The following OTOGL variants were observed in gnomAD, a reference collection of about 807,000 sequenced individuals.
OTOGL encodes the protein otogelin-like protein.
Under a neutral mutation model 318.5 loss-of-function variants are expected in OTOGL, and 285 were observed. That is an observed-to-expected ratio of 0.89 (90% CI 0.81 to 0.99). OTOGL has a LOEUF of 0.99. Among genes scored for constraint, OTOGL ranks in the 50% least tolerant of loss-of-function variants. The probability of loss-of-function intolerance (pLI) is 0.00; values close to 1 mark genes in which losing one functional copy is unlikely to be tolerated. For missense variants in OTOGL, 2,899 were observed against 2,845.6 expected, an observed-to-expected ratio of 1.02 and a Z score of -0.43; for synonymous variants, 987 against 936.5, an observed-to-expected ratio of 1.05 and a Z score of -0.99.
chr12:80,126,002 A>G (rs1240098363), intron 1 of OTOGL, among the ~76,000 whole-genome samples: 1 of 152,050 alleles, frequency 6.6e-6, no homozygotes, highest in Non-Finnish European at 1.5e-5. Context: ...TCCTGGAATC[A>G]TTGATTTTTT....
At chr12:80,243,841 A>AT (rs1880599382) in intron 11 of OTOGL, among the ~76,000 whole-genome samples, 1 of 139,764 alleles carries the variant, frequency 7.2e-6, no homozygotes, top group African/African-American at 3.0e-5. Context: ...TATATAATAT[A>AT]ATCATATATA....
intron 4 of OTOGL, among the ~76,000 whole-genome samples, chr12:80,217,236 C>G (rs979978257): frequency 6.6e-6 from 1 of 151,666 alleles, no homozygotes; most frequent in African/African-American, 2.4e-5. Context: ...AGACTCCAAC[C>G]AGGCTCCTTT....
At chr12:80,254,667 C>T (rs1881871771) in intron 15 of OTOGL, 97 bp downstream of exon 15, 1 of 941,240 alleles carries the variant, frequency 1.1e-6, no homozygotes, top group Non-Finnish European at 1.6e-6. Flanking sequence ...TCATATATAC[C>T]AAGGGCTACA....
intron 1 of OTOGL, among the ~76,000 whole-genome samples, chr12:80,175,544 C>T (rs1283626007): frequency 6.6e-6 from 1 of 152,106 alleles, no homozygotes. Flanking sequence ...AAGCATGACT[C>T]GCATTTTTAT....
chr12:80,129,785 CT>C (rs746572913), intron 1 of OTOGL, among the ~76,000 whole-genome samples: 16 of 152,028 alleles, frequency 1.1e-4, no homozygotes, highest in Non-Finnish European at 1.6e-4. Context: ...AATCTAAAAA[CT>C]TTTTTTTAAC....
At chr12:80,160,935 C>T (rs1000888256) in intron 1 of OTOGL, among the ~76,000 whole-genome samples, 7 of 152,140 alleles carry the variant, frequency 4.6e-5, no homozygotes, top group African/African-American at 7.2e-5. Context: ...TTCCCAGCAA[C>T]GTGAATGGAA....
At chr12:80,196,897 G>C (rs1198248267) in intron 1 of OTOGL, among the ~76,000 whole-genome samples, 1 of 152,126 alleles carries the variant, frequency 6.6e-6, no homozygotes, top group Non-Finnish European at 1.5e-5. Flanking sequence ...GGAAGGGGGT[G>C]GTCGGACATG....
rs1244096931 is a variant in OTOGL, at chr12:80,336,965, A to C, written c.4821A>C (p.Thr1607=). ...GTTTTAAGAAGTTAAATGTGACAAC[A>C]CCCATACATAAAATAATTGTCAATC... is the stretch of plus-strand genomic sequence containing the variant. ...GLCFKKLNVT[T]PIHKIIVNRL... The change falls in exon 42 of 59, where the codon ACA becomes ACC. Residue 1607 remains threonine, a synonymous_variant. Coordinates refer to ENST00000547103, the MANE Select transcript of OTOGL (RefSeq NM_001378609.3). 6.3e-7 allele frequency: 1 copy of C among 1,594,908 alleles called. No homozygotes were observed. Among genetic ancestry groups the C allele is most frequent in the Non-Finnish European group, 8.6e-7 (1 of 1,169,464 alleles).
chr12:80,320,048 A>G (rs1887219464), intron 33 of OTOGL, among the ~76,000 whole-genome samples: 1 of 152,106 alleles, frequency 6.6e-6, no homozygotes, highest in Non-Finnish European at 1.5e-5. Context: ...ACATTTGTAA[A>G]TGTTAAAGCT....
At chr12:80,129,702 C>T (rs1324311948) in intron 1 of OTOGL, among the ~76,000 whole-genome samples, 1 of 152,054 alleles carries the variant, frequency 6.6e-6, no homozygotes, top group Non-Finnish European at 1.5e-5. Context: ...TCTTAATTTC[C>T]CTGTGGTCTG....
chr12:80,266,598 T>C lies in OTOGL; in HGVS notation c.2372T>C (p.Leu791Pro). ...CPEGKFYEDT[L>P]NFCVPIFHCR... ...GAAGGCAAATTCTATGAAGACACTC[T>C]TAACTTTTGTGTACCCATGTAAGTC... is the stretch of plus-strand genomic sequence containing the variant. The change falls in exon 21 of 59, where the codon CTT becomes CCT. Residue 791 changes from leucine (L) to proline (P), a missense_variant. Around this residue, in one of 3 missense-constraint regions of OTOGL, gnomAD observed 2,607 missense variants for 2,524.9 expected, o/e 1.03. Coordinates refer to ENST00000547103, the MANE Select transcript of OTOGL (RefSeq NM_001378609.3). The C allele has an allele frequency of 6.2e-7, 1 of 1,613,428 alleles. No individual in the cohort carries two copies. The highest frequency in any genetic ancestry group is 8.5e-7 in the Non-Finnish European group (1 of 1,179,618).
chr12:80,132,309 TTATC>T (rs1361687248), intron 1 of OTOGL, among the ~76,000 whole-genome samples: 3 of 152,356 alleles, frequency 2.0e-5, no homozygotes, highest in African/African-American at 7.2e-5. Context: ...TTTAATTTAT[TTATC>T]AGATGTAGTC....
intron 43 of OTOGL, among the ~76,000 whole-genome samples, chr12:80,340,936 G>T (rs1319695050): frequency 1.0e-4 from 14 of 139,104 alleles, no homozygotes; most frequent in African/African-American, 2.4e-4. Context: ...GTCCACTTAG[G>T]TTTTTTTTTT....
At chr12:80,197,861 G>C (rs543362799) in intron 1 of OTOGL, among the ~76,000 whole-genome samples, 1 of 152,182 alleles carries the variant, frequency 6.6e-6, no homozygotes. Flanking sequence ...GGACTCTATC[G>C]TATGAAACCC....
At chr12:80,118,864 GT>G (rs57197692) in intron 1 of OTOGL, among the ~76,000 whole-genome samples, 5,159 of 130,458 alleles carry the variant, frequency 0.04, 259 homozygotes, top group African/African-American at 0.13. Context: ...TCTTAGATCT[GT>G]TTTTTTTTTT....
At chr12:80,159,123 CTGT>C (rs1873323773) in intron 1 of OTOGL, among the ~76,000 whole-genome samples, 1 of 151,390 alleles carries the variant, frequency 6.6e-6, no homozygotes, top group Non-Finnish European at 1.5e-5. Flanking sequence ...TGTTTATGTG[CTGT>C]ATCACATTTA....
chr12:80,140,336 C>T lies in OTOGL; in HGVS notation c.-20+40731C>T, dbSNP rs551018225. ...AGGTAAATTATTGGCTTCTTTGGGT[C>T]ATTTGGGACTGTGCCTGGAGTTTAC... On this transcript the variant is annotated intron_variant, in intron 1 of 58. Coordinates refer to ENST00000547103, the MANE Select transcript of OTOGL (RefSeq NM_001378609.3). Among the ~76,000 whole-genome samples, 4 of 152,274 alleles carry T rather than the reference C, an allele frequency of 2.6e-5. No homozygotes were observed. In the South Asian group the frequency reaches 6.2e-4, roughly 24 times the overall value.
At chr12:80,271,091 C>T (rs1883373775) in intron 23 of OTOGL, among the ~76,000 whole-genome samples, 1 of 152,112 alleles carries the variant, frequency 6.6e-6, no homozygotes. Context: ...CAGGGCCATC[C>T]TGACTCTGCC....
At chr12:80,147,126 A>G (rs1030491405) in intron 1 of OTOGL, among the ~76,000 whole-genome samples, 5 of 151,610 alleles carry the variant, frequency 3.3e-5, no homozygotes, top group African/African-American at 1.2e-4. Flanking sequence ...TTGCTTTTCT[A>G]GTTGTTTTAA....
Sources: allele counts gnomAD v4.1 joint callset (sites outside exome capture counted in the v4.1 genomes callset), GRCh38; gene constraint gnomAD v4.1.1; regional missense constraint gnomAD v4.1.1; transcripts MANE v1.5; gene names NCBI Gene and HGNC (gene_info 2026-07-23, HGNC 2026-07-21).